Variants in ACOXL observed in about 807,000 individuals in gnomAD.
ACOXL encodes the protein acyl-coenzyme A oxidase-like protein.
Under a neutral mutation model 71.9 loss-of-function variants are expected in ACOXL, and 70 were observed. The ratio of observed to expected loss-of-function variants is 0.97; its 90% CI spans 0.80 to 1.19. The LOEUF (loss-of-function observed/expected upper bound fraction) is 1.19, where lower values mean the gene tolerates loss of function less well. Ranked by LOEUF, ACOXL falls within the 50% of genes most tolerant of loss-of-function variation. The probability of loss-of-function intolerance (pLI) is 0.00; values close to 1 mark genes in which losing one functional copy is unlikely to be tolerated. For synonymous variants in ACOXL, 253 were observed against 281.6 expected, an observed-to-expected ratio of 0.90 and a Z score of 1.02; for missense variants, 703 against 736.3, an observed-to-expected ratio of 0.95 and a Z score of 0.52.
intron 1 of ACOXL, among the ~76,000 whole-genome samples, chr2:110,736,913 C>T (rs945537665): frequency 1.3e-5 from 2 of 152,192 alleles, no homozygotes; most frequent in Non-Finnish European, 1.5e-5. Context: ...AGTCACTGTG[C>T]CTGGCCTACA....
Position 110,933,600 on chromosome 2 carries a change from C to T in ACOXL, c.1017C>T (p.Asn339=), listed in dbSNP as rs1238210016. The change falls in exon 12 of 18, where the codon AAC becomes AAT. Residue 339 remains asparagine, a synonymous_variant. Coordinates refer to ENST00000439055, the MANE Select transcript of ACOXL (RefSeq NM_001142807.4). ...TGAAGGCCTACAGCACCTGGGAGAA[C>T]ATCCGCTGCCTGCAGGACTGCCGCG... ...AGLKAYSTWE[N]IRCLQDCREC... is the part of the protein sequence containing the mutation. 17 of 1,613,452 alleles carry T rather than the reference C, an allele frequency of 1.1e-5. No individual in the cohort carries two copies. Among genetic ancestry groups the T allele is most frequent in the Non-Finnish European group, 1.4e-5 (17 of 1,179,954 alleles).
At chr2:110,933,401 G>A (rs1471159104) in intron 11 of ACOXL, 88 bp from the exon 12 acceptor site, 2 of 1,444,066 alleles carry the variant, frequency 1.4e-6, no homozygotes, top group African/African-American at 1.4e-5. Context: ...TCCTCAAATA[G>A]CGTTATAGCA....
chr2:111,069,144 T>C (rs1468596846), intron 16 of ACOXL, among the ~76,000 whole-genome samples: 1 of 146,366 alleles, frequency 6.8e-6, no homozygotes, highest in East Asian at 1.9e-4. Context: ...CTCTTCTTTT[T>C]CTTTTTTTTT....
At chr2:110,839,004 A>G (rs892084642) in intron 9 of ACOXL, among the ~76,000 whole-genome samples, 2 of 152,260 alleles carry the variant, frequency 1.3e-5, no homozygotes, top group African/African-American at 2.4e-5. Flanking sequence ...AAGAATGACA[A>G]TAAAACATAT....
chr2:111,034,076 C>T (rs3789087), intron 15 of ACOXL, among the ~76,000 whole-genome samples: 21,647 of 152,198 alleles, frequency 0.14, 1,657 homozygotes, highest in Middle Eastern at 0.23. Flanking sequence ...GGAGTCAGGT[C>T]ACCAGGTTCA....
At chr2:110,870,101 G>C (rs1485684519) in intron 10 of ACOXL, among the ~76,000 whole-genome samples, 1 of 152,210 alleles carries the variant, frequency 6.6e-6, no homozygotes, top group African/African-American at 2.4e-5. Flanking sequence ...GGGAAAATTA[G>C]GGCTGTTCCC....
At chr2:110,789,890 C>T (rs755746491) in intron 3 of ACOXL, among the ~76,000 whole-genome samples, 1 of 152,244 alleles carries the variant, frequency 6.6e-6, no homozygotes, top group Non-Finnish European at 1.5e-5. Flanking sequence ...TGGCCTATTG[C>T]AGCCGGGGAG....
intron 14 of ACOXL, among the ~76,000 whole-genome samples, chr2:111,010,520 G>A (rs887346817): frequency 3.3e-5 from 5 of 151,050 alleles, no homozygotes; most frequent in Non-Finnish European, 5.9e-5. Flanking sequence ...ATGAGAGAGA[G>A]AATAGCATAG....
chr2:110,870,572 A>G (rs1166162489), intron 10 of ACOXL, among the ~76,000 whole-genome samples: 3 of 152,164 alleles, frequency 2.0e-5, no homozygotes, highest in Non-Finnish European at 4.4e-5. Context: ...CAGTTATGCC[A>G]GGGACAGTCA....
At chr2:110,990,446 A>G (rs1177019347) in intron 13 of ACOXL, among the ~76,000 whole-genome samples, 1 of 152,220 alleles carries the variant, frequency 6.6e-6, no homozygotes, top group African/African-American at 2.4e-5. Context: ...CATAGACACT[A>G]ATTTGCAAAT....
chr2:111,078,712 G>A (rs576375333), intron 16 of ACOXL, among the ~76,000 whole-genome samples: 88 of 152,284 alleles, frequency 5.8e-4, no homozygotes, highest in Non-Finnish European at 9.4e-4. Context: ...GTTGGCATCC[G>A]TTGATTGACC....
intron 10 of ACOXL, among the ~76,000 whole-genome samples, chr2:110,902,091 AC>A (rs1385419749): frequency 6.6e-6 from 1 of 152,158 alleles, no homozygotes; most frequent in East Asian, 1.9e-4. Context: ...CAGGTAAAAC[AC>A]AGAGGATGTT....
intron 16 of ACOXL, among the ~76,000 whole-genome samples, chr2:111,070,907 G>C (rs1052468677): frequency 6.6e-6 from 1 of 152,016 alleles, no homozygotes; most frequent in African/African-American, 2.4e-5. Context: ...ATGGCCCACC[G>C]TTGCCTAACT....
intron 12 of ACOXL, among the ~76,000 whole-genome samples, chr2:110,969,645 T>C (rs2062091586): frequency 6.6e-6 from 1 of 152,038 alleles, no homozygotes; most frequent in Admixed American, 6.6e-5. Context: ...ACCCCATCTC[T>C]ACTAAAAATA....
At chr2:110,925,462 T>C (rs1003975958) in intron 11 of ACOXL, among the ~76,000 whole-genome samples, 5 of 152,278 alleles carry the variant, frequency 3.3e-5, no homozygotes, top group African/African-American at 1.2e-4. Flanking sequence ...ACTTGCTGCA[T>C]CACCTTGCAT....
intron 14 of ACOXL, among the ~76,000 whole-genome samples, chr2:111,026,693 C>A (rs2065029738): frequency 6.6e-6 from 1 of 151,942 alleles, no homozygotes; most frequent in Non-Finnish European, 1.5e-5. Flanking sequence ...CTCAGTAGTT[C>A]CAGTAGCTTT....
intron 10 of ACOXL, among the ~76,000 whole-genome samples, chr2:110,903,698 G>A (rs183401795): frequency 7.2e-5 from 11 of 152,354 alleles, no homozygotes; most frequent in Admixed American, 3.3e-4. Flanking sequence ...CAATAAAAAT[G>A]TCTGGCAGGC....
At chr2:110,846,408 C>G (rs953240956) in intron 10 of ACOXL, among the ~76,000 whole-genome samples, 3 of 152,004 alleles carry the variant, frequency 2.0e-5, no homozygotes, top group African/African-American at 7.3e-5. Context: ...AATCCTGTAC[C>G]CTTGGCCAGC....
chr2:110,958,150 C>T (rs1441386567), intron 12 of ACOXL, among the ~76,000 whole-genome samples: 1 of 152,026 alleles, frequency 6.6e-6, no homozygotes. Flanking sequence ...CACACATGCA[C>T]ACACACACTC....
Sources: gnomAD v4.1 joint callset for allele counts (sites outside exome capture counted in the v4.1 genomes callset) on GRCh38, gnomAD v4.1.1 for gene constraint, MANE v1.5 for transcripts, NCBI Gene and HGNC (gene_info 2026-07-23, HGNC 2026-07-21) for gene names.